TMEM184B: variants seen among roughly 807,000 people sequenced by gnomAD.
TMEM184B encodes the protein putative MAPK-activating protein FM08.
In TMEM184B, 17 loss-of-function variants were observed where a neutral mutation model predicts 41.8. The observed-to-expected ratio is 0.41, with a 90% CI of 0.28 to 0.61. TMEM184B has a LOEUF of 0.61. Ranked by LOEUF, TMEM184B falls within the 20% of genes least tolerant of loss-of-function variation. TMEM184B has a pLI of 0.34. For missense variants in TMEM184B, 393 were observed against 557.8 expected, an observed-to-expected ratio of 0.70 and a Z score of 2.98; for synonymous variants, 240 against 229.5, an observed-to-expected ratio of 1.05 and a Z score of -0.41.
At chr22:38,268,554 C>T (rs770277369) in intron 1 of TMEM184B, among the ~76,000 whole-genome samples, 2 of 152,100 alleles carry the variant, frequency 1.3e-5, no homozygotes, top group Non-Finnish European at 2.9e-5. Flanking sequence ...CTACCTCTTC[C>T]CGTTTCTGTC....
At chr22:38,272,135 A>G (rs911626158) in intron 1 of TMEM184B, among the ~76,000 whole-genome samples, 1 of 152,228 alleles carries the variant, frequency 6.6e-6, no homozygotes, top group Non-Finnish European at 1.5e-5. Context: ...CTGGCCTTAT[A>G]CAACACCTCC....
At chr22:38,270,997 C>G (rs546149209) in intron 1 of TMEM184B, among the ~76,000 whole-genome samples, 1 of 152,164 alleles carries the variant, frequency 6.6e-6, no homozygotes, top group South Asian at 2.1e-4. Flanking sequence ...CCTTCTGCCT[C>G]GAAGCTCTTC....
intron 5 of TMEM184B, among the ~76,000 whole-genome samples, chr22:38,228,333 T>C (rs1239709636): frequency 6.6e-6 from 1 of 152,214 alleles, no homozygotes; most frequent in Admixed American, 6.5e-5. Flanking sequence ...CTGGTACTCA[T>C]GACAGCCCCC....
chr22:38,219,280 A>G, downstream of TMEM184B: 2 of 985,648 alleles, frequency 2.0e-6, no homozygotes, highest in Non-Finnish European at 2.4e-6. Context: ...GAAAAACCTC[A>G]CCCACAGGCA....
intron 1 of TMEM184B, among the ~76,000 whole-genome samples, chr22:38,250,137 A>G (rs934597584): frequency 3.9e-5 from 6 of 151,942 alleles, no homozygotes; most frequent in African/African-American, 1.5e-4. Context: ...AAGTCAGAAT[A>G]TCCTGACACC....
chr22:38,254,053 T>C (rs938519250), intron 1 of TMEM184B, among the ~76,000 whole-genome samples: 1 of 151,836 alleles, frequency 6.6e-6, no homozygotes, highest in Non-Finnish European at 1.5e-5. Context: ...ATAAAAAAAT[T>C]AGCCAGGTGT....
At position 38,219,476 on chromosome 22, in the gene TMEM184B, A is replaced by G. The variant is rs1462970112; in HGVS notation, c.*1993T>C. ...TGTCTTCTCATACATCATACAATTAATTTTTCAAGTATTCTTTATGTACAA... is the reference window on the plus strand; with the variant it reads ...TGTCTTCTCATACATCATACAATTAGTTTTTCAAGTATTCTTTATGTACAA... On this transcript the variant is annotated 3_prime_UTR_variant, in exon 9 of 9. Transcript: ENST00000361906. The G allele has an allele frequency of 2.0e-6, 2 of 985,478 alleles. No homozygotes were observed. The highest frequency in any genetic ancestry group is 2.4e-6 in the Non-Finnish European group (2 of 829,822). 61.0% of individuals were successfully genotyped at this position (985,478 alleles called of 1,614,324 possible). A position where few individuals can be genotyped will look rare whatever the true frequency, so the allele number is the denominator to read the frequency against.
intron 1 of TMEM184B, among the ~76,000 whole-genome samples, chr22:38,263,296 C>G (rs1569055924): frequency 6.6e-6 from 1 of 152,206 alleles, no homozygotes; most frequent in Non-Finnish European, 1.5e-5. Flanking sequence ...CCATGACCAG[C>G]ACCCCCTCCA....
At position 38,225,514 on chromosome 22, in the gene TMEM184B, A is replaced by G. The variant is rs1602367659; in HGVS notation, c.697T>C (p.Tyr233His). 1 of 1,601,728 alleles carries G rather than the reference A, an allele frequency of 6.2e-7. No individual in the cohort carries two copies. The highest frequency in any genetic ancestry group is 8.5e-7 in the Non-Finnish European group (1 of 1,175,648). Residue 233 changes from tyrosine (Y) to histidine (H), a missense_variant, in exon 7 of 9, where the codon TAC becomes CAC. Physicochemically the swap from Tyr to His is moderately conservative, Grantham distance 83 (BLOSUM62 2). Around this residue, in one of 2 missense-constraint regions of TMEM184B, gnomAD observed 271 missense variants for 434.1 expected, o/e 0.62. Transcript: ENST00000361906. This position sits in a 1 kb window ranked among gnomAD's most constrained non-coding sequence, Gnocchi z 4.4. ...SLALYALFLFYFATRELLSPY... is the reference protein window; with the variant it reads ...SLALYALFLFHFATRELLSPY... The stretch of plus-strand genomic sequence containing the variant: ...CTGAGCAGCTCCCGGGTGGCGAAGT[A>G]GAAGAGGAAGAGGGCGTAGAGGGCC...
At chr22:38,262,202 G>A (rs2092380460) in intron 1 of TMEM184B, among the ~76,000 whole-genome samples, 1 of 152,248 alleles carries the variant, frequency 6.6e-6, no homozygotes, top group South Asian at 2.1e-4. Flanking sequence ...ACAGGCAGCG[G>A]CAGGCACCAC....
chr22:38,271,729 G>A (rs931649764), intron 1 of TMEM184B, among the ~76,000 whole-genome samples: 1 of 152,188 alleles, frequency 6.6e-6, no homozygotes, highest in African/African-American at 2.4e-5. Context: ...TTCTGTCCAG[G>A]TGGGCACACA....
intron 1 of TMEM184B, among the ~76,000 whole-genome samples, chr22:38,266,357 C>CATG (rs1197227237): frequency 6.6e-6 from 1 of 152,254 alleles, no homozygotes; most frequent in East Asian, 1.9e-4. Context: ...AGGACTTCAC[C>CATG]AGAGCCTGTG....
intron 3 of TMEM184B, among the ~76,000 whole-genome samples, chr22:38,243,519 A>G (rs1480821306): frequency 6.6e-6 from 1 of 152,168 alleles, no homozygotes; most frequent in East Asian, 1.9e-4. Flanking sequence ...GCTGAATGGA[A>G]GTGGATTCTC....
In TMEM184B at chr22:38,226,048, T is replaced by TG. The variant is rs2091427119; in HGVS notation, c.618-456dup. On this transcript the variant is annotated intron_variant, in intron 6 of 8. Coordinates refer to ENST00000361906, the MANE Select transcript of TMEM184B (RefSeq NM_012264.5). This position sits in a 1 kb window ranked among gnomAD's most constrained non-coding sequence, Gnocchi z 4.6. The stretch of plus-strand genomic sequence containing the variant: ...TCACAGACAGTGTGTGCCGAGAGCT[T>TG]GAAAGCACAGGGCTAGACACATGGT... Among the ~76,000 whole-genome samples the TG allele has an allele frequency of 6.6e-6, 1 of 151,796 alleles. No individual in the cohort carries two copies. Among genetic ancestry groups the TG allele is most frequent in the African/African-American group, 2.4e-5 (1 of 41,254 alleles).
chr22:38,250,283 G>A (rs962954985), intron 1 of TMEM184B, among the ~76,000 whole-genome samples: 5 of 152,234 alleles, frequency 3.3e-5, no homozygotes, highest in African/African-American at 2.4e-5. Flanking sequence ...CAGCATCTCC[G>A]CCACCATGTC....
At position 38,269,505 on chromosome 22, in the gene TMEM184B, C is replaced by T. The variant is rs1254221868; in HGVS notation, c.-59+3379G>A. On this transcript the variant is annotated intron_variant, in intron 1 of 8. Transcript: ENST00000361906. ...CTTGGATTACAGGCATGAGCCACCA[C>T]GCCCAGCCTAAGACTCTGTCTTAAA... 5.9e-5 allele frequency among the ~76,000 whole-genome samples: 9 copies of T among 152,208 alleles called. No individual in the cohort carries two copies. In the South Asian group the frequency reaches 6.2e-4, roughly 11 times the overall value.
intron 1 of TMEM184B, among the ~76,000 whole-genome samples, chr22:38,264,799 C>T (rs907722431): frequency 2.0e-5 from 3 of 152,156 alleles, no homozygotes; most frequent in Admixed American, 6.5e-5. Context: ...CTTCTGCCCC[C>T]GGCCGAGTAG....
At chr22:38,270,362 A>G (rs2092504216) in intron 1 of TMEM184B, among the ~76,000 whole-genome samples, 1 of 152,100 alleles carries the variant, frequency 6.6e-6, no homozygotes, top group Non-Finnish European at 1.5e-5. Flanking sequence ...CCCCCACCAC[A>G]CTGGGTGGTA....
At chr22:38,236,038 C>G (rs1460540995) in intron 3 of TMEM184B, among the ~76,000 whole-genome samples, 1 of 152,186 alleles carries the variant, frequency 6.6e-6, no homozygotes, top group Non-Finnish European at 1.5e-5. Context: ...ACCAAGGAGC[C>G]CTCAGGCCAA....
Sources: allele counts gnomAD v4.1 joint callset (sites outside exome capture counted in the v4.1 genomes callset), GRCh38; gene constraint gnomAD v4.1.1; regional missense constraint gnomAD v4.1.1; non-coding constraint Gnocchi (gnomAD v3.1); transcripts MANE v1.5; gene names NCBI Gene and HGNC (gene_info 2026-07-23, HGNC 2026-07-21).